Variants in PDE11A observed in about 807,000 individuals in gnomAD.
The protein encoded by PDE11A is dual 3',5'-cyclic-AMP and -GMP phosphodiesterase 11A.
Under a neutral mutation model 100.5 loss-of-function variants are expected in PDE11A, and 100 were observed. The observed-to-expected ratio is 1.00, with a 90% CI of 0.85 to 1.18. The LOEUF is 1.18. Ranked by LOEUF, PDE11A falls within the 50% of genes most tolerant of loss-of-function variation. PDE11A has a pLI of 0.00. For synonymous variants in PDE11A, 381 were observed against 420.8 expected (o/e 0.91, Z 1.16); for missense variants, 1,141 against 1,152.6 (o/e 0.99, Z 0.15).
At chr2:177,631,638 T>C (rs1362600562) in intron 19 of PDE11A, among the ~76,000 whole-genome samples, 4 of 138,142 alleles carry the variant, frequency 2.9e-5, no homozygotes, top group South Asian at 4.4e-4. Context: ...TGTATATATA[T>C]ACATATATAT....
At chr2:177,876,803 T>C (rs1168223837) in intron 4 of PDE11A, among the ~76,000 whole-genome samples, 1 of 148,240 alleles carries the variant, frequency 6.7e-6, no homozygotes, top group Non-Finnish European at 1.5e-5. Context: ...GAGTGAGAAA[T>C]GCACTATTTC....
Position 177,702,241 on chromosome 2 carries a change from G to T in PDE11A, c.2154-1030C>A, listed in dbSNP as rs139284493. ...GAGGCAGGAGAATCACTCGAAACTGGGAAGCAGAGGTTGCAGTGAGCTGAG... is the reference window on the plus strand; with the variant it reads ...GAGGCAGGAGAATCACTCGAAACTGTGAAGCAGAGGTTGCAGTGAGCTGAG... On this transcript the variant is annotated intron_variant, in intron 13 of 19. Coordinates refer to ENST00000286063, the MANE Select transcript of PDE11A (RefSeq NM_016953.4). Among the ~76,000 whole-genome samples, 389 of 152,074 alleles carry T rather than the reference G, an allele frequency of 2.6e-3. 10 individuals carry two copies. The East Asian group carries it at 0.068, about 26-fold the overall frequency.
intron 19 of PDE11A, among the ~76,000 whole-genome samples, chr2:177,641,549 ACTC>A (rs1048370801): frequency 6.6e-6 from 1 of 151,642 alleles, no homozygotes; most frequent in Non-Finnish European, 1.5e-5. Flanking sequence ...CAGCAAACAG[ACTC>A]CTCCTAAACC....
At chr2:177,752,337 T>A (rs987698468) in intron 10 of PDE11A, among the ~76,000 whole-genome samples, 1 of 152,226 alleles carries the variant, frequency 6.6e-6, no homozygotes, top group Non-Finnish European at 1.5e-5. Flanking sequence ...TAGACTCTTA[T>A]AATGGTAACA....
chr2:177,877,494 T>A (rs1361622535), intron 4 of PDE11A, among the ~76,000 whole-genome samples: 1 of 152,096 alleles, frequency 6.6e-6, no homozygotes, highest in East Asian at 1.9e-4. Flanking sequence ...AGATAAAGTC[T>A]CCCGGGTAAT....
intron 1 of PDE11A, among the ~76,000 whole-genome samples, chr2:178,108,021 A>T (rs2087642060): frequency 6.6e-6 from 1 of 152,144 alleles, no homozygotes; most frequent in East Asian, 1.9e-4. Context: ...TGCCAAGCCA[A>T]CAATTACTTT....
chr2:177,938,222 C>T (rs192816759), intron 2 of PDE11A, among the ~76,000 whole-genome samples: 27 of 152,152 alleles, frequency 1.8e-4, no homozygotes, highest in Admixed American at 3.9e-4. Context: ...TAGGATGCCT[C>T]CAAAAGTAGT....
At chr2:177,963,426 T>A (rs2085660047) in intron 2 of PDE11A, among the ~76,000 whole-genome samples, 1 of 152,164 alleles carries the variant, frequency 6.6e-6, no homozygotes, top group Non-Finnish European at 1.5e-5. Context: ...CAGGAGCAGA[T>A]CTTTAAAGGT....
At chr2:178,103,648 T>C (rs565562057) in intron 2 of PDE11A, among the ~76,000 whole-genome samples, 91 of 151,902 alleles carry the variant, frequency 6.0e-4, no homozygotes, top group Middle Eastern at 6.8e-3. Context: ...AGTTATACCC[T>C]ATTTTGAAAA....
intron 10 of PDE11A, among the ~76,000 whole-genome samples, chr2:177,735,002 T>G (rs564195945): frequency 6.6e-6 from 1 of 152,368 alleles, no homozygotes; most frequent in South Asian, 2.1e-4. Context: ...ATTGTGCATC[T>G]AACTGTACGC....
chr2:177,983,764 C>A lies in PDE11A; in HGVS notation c.1071+30538G>T, dbSNP rs145792995. Among the ~76,000 whole-genome samples, 27 of 152,196 alleles carry A rather than the reference C, an allele frequency of 1.8e-4. No individual in the cohort carries two copies. The East Asian group carries it at 4.2e-3, about 24-fold the overall frequency. Reference sequence around the variant, plus strand: ...ATTTATCATTGAACTGCAAGATAGCCAGAAAACTAAGAATTATTAGTTCAC... The same window carrying A: ...ATTTATCATTGAACTGCAAGATAGCAAGAAAACTAAGAATTATTAGTTCAC... On this transcript the variant is annotated intron_variant, in intron 2 of 19. Coordinates refer to ENST00000286063, the MANE Select transcript of PDE11A (RefSeq NM_016953.4).
intron 19 of PDE11A, among the ~76,000 whole-genome samples, chr2:177,631,584 T>TATACATGTATATATATATAC (rs1335180484): frequency 2.3e-4 from 7 of 31,036 alleles, no homozygotes; most frequent in African/African-American, 6.1e-4. Context: ...TATATATATA[T>TATACATGTATATATATATAC]ACACACACAT....
chr2:178,038,446 C>A, intron 1 of PDE11A, among the ~76,000 whole-genome samples: 1 of 151,218 alleles, frequency 6.6e-6, no homozygotes, highest in South Asian at 2.1e-4. Flanking sequence ...GAAAATCAAG[C>A]AATAAAGAAG....
intron 10 of PDE11A, among the ~76,000 whole-genome samples, chr2:177,753,569 C>T (rs535357025): frequency 2.6e-5 from 4 of 151,408 alleles, no homozygotes; most frequent in Non-Finnish European, 5.9e-5. Flanking sequence ...AGCAGAATGA[C>T]GAACTTTTTA....
intron 2 of PDE11A, among the ~76,000 whole-genome samples, chr2:178,095,883 T>A (rs904806093): frequency 1.3e-5 from 2 of 152,192 alleles, no homozygotes; most frequent in African/African-American, 4.8e-5. Context: ...CTTTTAGCCA[T>A]AGTTGGAACT....
chr2:177,651,176 G>A (rs890881325), intron 19 of PDE11A, among the ~76,000 whole-genome samples: 2 of 152,198 alleles, frequency 1.3e-5, no homozygotes, highest in Non-Finnish European at 2.9e-5. Context: ...GTGCTCAAAA[G>A]TGTTGTTATG....
In PDE11A at chr2:177,977,411, A is replaced by G. The variant is rs536472884; in HGVS notation, c.1071+36891T>C. 4.2e-4 allele frequency among the ~76,000 whole-genome samples: 60 copies of G among 142,276 alleles called. 4 individuals are homozygous for G. The highest frequency in any genetic ancestry group is 1.5e-3 in the African/African-American group (58 of 38,370). 93.3% of individuals were successfully genotyped at this position (142,276 alleles called of 152,430 possible). ...GTGAAGGACCTCTTCAAGGAGAACT[A>G]CAAACCACTGCTCAAGGAAATAAAA... On this transcript the variant is annotated intron_variant, in intron 2 of 19. Coordinates refer to ENST00000286063, the MANE Select transcript of PDE11A (RefSeq NM_016953.4).
In PDE11A at chr2:177,924,704, A is replaced by C. The variant is rs146092702; in HGVS notation, c.1072-19517T>G. Among the ~76,000 whole-genome samples the C allele has an allele frequency of 1.1e-3, 173 of 151,460 alleles. 1 individual carries two copies. The highest frequency in any genetic ancestry group is 4.0e-3 in the African/African-American group (167 of 41,260). On this transcript the variant is annotated intron_variant, in intron 2 of 19. Coordinates refer to ENST00000286063, the MANE Select transcript of PDE11A (RefSeq NM_016953.4). ...TCTTTATGGCTTTATATGTTGATTCACATTCTGCCGGCTGTTAAGCTTTCT... is the reference window on the plus strand; with the variant it reads ...TCTTTATGGCTTTATATGTTGATTCCCATTCTGCCGGCTGTTAAGCTTTCT...
At chr2:177,817,493 C>T (rs984293220) in intron 8 of PDE11A, among the ~76,000 whole-genome samples, 3 of 152,150 alleles carry the variant, frequency 2.0e-5, no homozygotes, top group Admixed American at 6.5e-5. Flanking sequence ...AGTGAATGCA[C>T]GGAAGCGTGT....
Sources: gnomAD v4.1 joint callset for allele counts (sites outside exome capture counted in the v4.1 genomes callset) on GRCh38, gnomAD v4.1.1 for gene constraint, MANE v1.5 for transcripts, NCBI Gene and HGNC (gene_info 2026-07-23, HGNC 2026-07-21) for gene names.